The following MOK variants were observed in gnomAD, a reference collection of about 807,000 sequenced individuals.
MOK encodes MOK protein kinase, also known as MAPK/MAK/MRK overlapping kinase.
Under a neutral mutation model 54.2 loss-of-function variants are expected in MOK, and 59 were observed. The observed-to-expected ratio is 1.09, with a 90% CI of 0.88 to 1.35. The LOEUF (loss-of-function observed/expected upper bound fraction) is 1.35, where lower values mean the gene tolerates loss of function less well. MOK is among the 40% of genes most tolerant of loss of function. MOK has a pLI of 0.00. For synonymous variants in MOK, 210 were observed against 202.7 expected (o/e 1.04, Z -0.31); for missense variants, 517 against 526.2 (o/e 0.98, Z 0.17).
intron 1 of MOK, among the ~76,000 whole-genome samples, chr14:102,291,957 CA>C (rs36041386): frequency 4.5e-4 from 60 of 133,626 alleles, no homozygotes; most frequent in Admixed American, 6.1e-4. Context: ...AACTCTGTCT[CA>C]AAAAAAAAAA....
chr14:102,255,852 A>G (rs1022947127), intron 4 of MOK, among the ~76,000 whole-genome samples: 3 of 152,324 alleles, frequency 2.0e-5, no homozygotes, highest in Admixed American at 2.0e-4. Flanking sequence ...TATCCTGACC[A>G]AGGTAATTTT....
rs146641197 is a variant in MOK at position 102,253,563 on chromosome 14, T to C, written c.284-1568A>G. On this transcript the variant is annotated intron_variant, in intron 4 of 11. Coordinates refer to ENST00000361847, the MANE Select transcript of MOK (RefSeq NM_014226.3). ...CAACTGCTTTCAGTCACAGTCCACATGTCTTCTTTCACAGGAGAGGCCGTT... is the reference window on the plus strand; with the variant it reads ...CAACTGCTTTCAGTCACAGTCCACACGTCTTCTTTCACAGGAGAGGCCGTT... 5.9e-5 allele frequency among the ~76,000 whole-genome samples: 9 copies of C among 152,328 alleles called. No individual in the cohort carries two copies. The South Asian group carries it at 8.3e-4, about 14-fold the overall frequency.
At chr14:102,247,498 C>G (rs1424260423) in intron 7 of MOK, 1 of 152,176 alleles carries the variant, frequency 6.6e-6, no homozygotes, top group East Asian at 1.9e-4. Flanking sequence ...TGCTATGCAA[C>G]TCATACCTCT....
In MOK at chr14:102,299,506, C is replaced by A. The variant is rs113662301; in HGVS notation, c.7+5456G>T. Among the ~76,000 whole-genome samples, 1,013 of 150,434 alleles carry A rather than the reference C, an allele frequency of 6.7e-3. 16 individuals carry two copies. Among genetic ancestry groups the A allele is most frequent in the African/African-American group, 0.022 (868 of 40,266 alleles). On this transcript the variant is annotated intron_variant, in intron 1 of 11. Coordinates refer to ENST00000361847, the MANE Select transcript of MOK (RefSeq NM_014226.3). The stretch of plus-strand genomic sequence containing the variant: ...CTCCAGCCTGGGCAACAGAGTGAGA[C>A]TACCTACAAAAAAAAAAAGAAAAAT...
intron 7 of MOK, among the ~76,000 whole-genome samples, chr14:102,243,047 C>A (rs1597326486): frequency 6.6e-6 from 1 of 152,152 alleles, no homozygotes; most frequent in Non-Finnish European, 1.5e-5. Context: ...CATCTGTTAC[C>A]TATCTTGGCA....
intron 7 of MOK, among the ~76,000 whole-genome samples, chr14:102,243,971 AG>A (rs1404463723): frequency 6.6e-6 from 1 of 152,228 alleles, no homozygotes; most frequent in African/African-American, 2.4e-5. Flanking sequence ...ACTCTTGCAA[AG>A]GAACTACGCA....
intron 4 of MOK, chr14:102,260,577 T>C (rs2067306224): frequency 6.6e-6 from 1 of 152,154 alleles, no homozygotes; most frequent in African/African-American, 2.4e-5. Flanking sequence ...ACAAGCACTG[T>C]TGGCCATTCT....
chr14:102,257,934 G>A (rs910001772), intron 4 of MOK, among the ~76,000 whole-genome samples: 1 of 149,388 alleles, frequency 6.7e-6, no homozygotes, highest in Non-Finnish European at 1.5e-5. Flanking sequence ...CAGAGATCAC[G>A]CCACTGCACT....
At chr14:102,243,869 A>T (rs1329073443) in intron 7 of MOK, among the ~76,000 whole-genome samples, 1 of 152,226 alleles carries the variant, frequency 6.6e-6, no homozygotes, top group African/African-American at 2.4e-5. Flanking sequence ...AGGCTATGCT[A>T]TAGTATCTTC....
Position 102,258,959 on chromosome 14 carries a change from G to A in MOK, c.283+4587C>T, listed in dbSNP as rs148095070. Among the ~76,000 whole-genome samples, 400 of 151,994 alleles carry A rather than the reference G, an allele frequency of 2.6e-3. 4 individuals are homozygous for A. Among genetic ancestry groups the A allele is most frequent in the African/African-American group, 9.0e-3 (375 of 41,442 alleles). On this transcript the variant is annotated intron_variant, in intron 4 of 11. Transcript: ENST00000361847. ...TGGGCACCTGTAATCCCAGCTACTC[G>A]GGAGGCTAAGGCAGGAGAATCGCTT...
chr14:102,242,291 C>G (rs1229374494), intron 7 of MOK, among the ~76,000 whole-genome samples: 1 of 152,136 alleles, frequency 6.6e-6, no homozygotes, highest in Non-Finnish European at 1.5e-5. Context: ...TTTTAAAACT[C>G]CCCAACTCTG....
intron 4 of MOK, among the ~76,000 whole-genome samples, chr14:102,260,387 G>A (rs532183171): frequency 1.3e-5 from 2 of 152,182 alleles, no homozygotes; most frequent in South Asian, 4.2e-4. Flanking sequence ...AGGGTTGTTG[G>A]AAGGTTAAAA....
At chr14:102,250,010 C>T (rs2066399788) in intron 7 of MOK, among the ~76,000 whole-genome samples, 2 of 152,180 alleles carry the variant, frequency 1.3e-5, no homozygotes, top group Non-Finnish European at 2.9e-5. Context: ...ACTCACAGGA[C>T]CTGGGCTCAT....
At chr14:102,278,113 T>G (rs1216372460) in intron 2 of MOK, among the ~76,000 whole-genome samples, 2 of 152,144 alleles carry the variant, frequency 1.3e-5, no homozygotes, top group Non-Finnish European at 1.5e-5. Context: ...CTGCAAATCC[T>G]AAAGCAAGCC....
At chr14:102,290,689 C>G (rs993204636) in intron 1 of MOK, among the ~76,000 whole-genome samples, 1 of 152,144 alleles carries the variant, frequency 6.6e-6, no homozygotes, top group African/African-American at 2.4e-5. Context: ...GCTGAATCTC[C>G]AGACTAGCAT....
At chr14:102,296,377 AC>A (rs1241448998) in intron 1 of MOK, among the ~76,000 whole-genome samples, 1 of 152,184 alleles carries the variant, frequency 6.6e-6, no homozygotes, top group African/African-American at 2.4e-5. Flanking sequence ...TGGGTAAGGA[AC>A]AACCATATAT....
intron 1 of MOK, among the ~76,000 whole-genome samples, chr14:102,297,188 T>C (rs1006989464): frequency 1.3e-5 from 2 of 152,032 alleles, no homozygotes; most frequent in Non-Finnish European, 2.9e-5. Context: ...AAACCCCATC[T>C]CTACTAAAAG....
At chr14:102,226,434 A>G (rs2064245327), downstream of MOK, 1 of 702,928 alleles carries the variant, frequency 1.4e-6, no homozygotes, top group Non-Finnish European at 2.6e-6. The surrounding 1 kb of genome is among the most constrained non-coding windows in gnomAD (Gnocchi z 4.8). Flanking sequence ...AAGCGCTTCA[A>G]TTGCATTGCA....
chr14:102,280,364 G>A (rs1215972284), intron 2 of MOK, among the ~76,000 whole-genome samples: 8 of 152,016 alleles, frequency 5.3e-5, no homozygotes, highest in East Asian at 1.9e-4. Flanking sequence ...ACACACTACC[G>A]CGCCCGGCTG....
Sources: gnomAD v4.1 joint callset for allele counts (sites outside exome capture counted in the v4.1 genomes callset) on GRCh38, gnomAD v4.1.1 for gene constraint, Gnocchi (gnomAD v3.1) non-coding constraint, MANE v1.5 for transcripts, NCBI Gene and HGNC (gene_info 2026-07-23, HGNC 2026-07-21) for gene names.